Variants in ANO2 observed in about 807,000 individuals in gnomAD.
The protein encoded by ANO2 is anoctamin-2.
In ANO2, 101 loss-of-function variants were observed where a neutral mutation model predicts 124.2. That is an observed-to-expected ratio of 0.81 (90% confidence interval 0.69 to 0.96). ANO2 has a LOEUF of 0.96. ANO2 is among the 40% of genes least tolerant of loss of function. The probability of loss-of-function intolerance (pLI) is 0.00; values close to 1 mark genes in which losing one functional copy is unlikely to be tolerated. For synonymous variants in ANO2, 486 were observed against 482.5 expected (o/e 1.01, Z -0.09); for missense variants, 1,293 against 1,274.5 (o/e 1.01, Z -0.22).
chr12:5,868,168 G>C (rs1955480870), intron 3 of ANO2, among the ~76,000 whole-genome samples: 1 of 151,988 alleles, frequency 6.6e-6, no homozygotes, highest in Non-Finnish European at 1.5e-5. Context: ...GGTATCTAGT[G>C]TACACCATTA....
intron 15 of ANO2, among the ~76,000 whole-genome samples, chr12:5,642,388 T>C (rs1217748640): frequency 6.6e-6 from 1 of 152,220 alleles, no homozygotes; most frequent in Non-Finnish European, 1.5e-5. Context: ...AGTTAAGGAA[T>C]AACTGGCAGA....
At chr12:5,909,531 T>C (rs567776416) in intron 3 of ANO2, among the ~76,000 whole-genome samples, 8 of 152,346 alleles carry the variant, frequency 5.3e-5, no homozygotes, top group Admixed American at 3.3e-4. Flanking sequence ...GAGAAGCCAG[T>C]TGGCAGCAGA....
intron 4 of ANO2, among the ~76,000 whole-genome samples, chr12:5,841,835 T>C (rs1210304365): frequency 6.6e-6 from 1 of 152,206 alleles, no homozygotes; most frequent in Non-Finnish European, 1.5e-5. Flanking sequence ...ACCCAGTCTT[T>C]TTCTTCTGTT....
chr12:5,800,843 G>A (rs1953015488), intron 9 of ANO2, among the ~76,000 whole-genome samples: 1 of 152,130 alleles, frequency 6.6e-6, no homozygotes, highest in Non-Finnish European at 1.5e-5. Flanking sequence ...TGAAGAGGAG[G>A]CAATTTGTAA....
intron 10 of ANO2, among the ~76,000 whole-genome samples, chr12:5,777,724 A>C (rs1952272363): frequency 6.6e-6 from 1 of 152,220 alleles, no homozygotes; most frequent in South Asian, 2.1e-4. Flanking sequence ...TATGGTTTTC[A>C]GAGAGCTTGG....
At chr12:5,668,890 G>T (rs1236711066) in intron 14 of ANO2, among the ~76,000 whole-genome samples, 1 of 152,114 alleles carries the variant, frequency 6.6e-6, no homozygotes, top group Non-Finnish European at 1.5e-5. Flanking sequence ...TCTCTATCCT[G>T]TTCCATTGGT....
intron 14 of ANO2, among the ~76,000 whole-genome samples, chr12:5,705,334 A>G (rs1450423147): frequency 6.6e-6 from 1 of 152,242 alleles, no homozygotes; most frequent in African/African-American, 2.4e-5. Flanking sequence ...GGAGAGAAAG[A>G]AAAGGGGGGA....
intron 14 of ANO2, among the ~76,000 whole-genome samples, chr12:5,655,484 G>GT (rs1947110304): frequency 1.3e-5 from 2 of 152,218 alleles, no homozygotes. Context: ...TTCAGGTACA[G>GT]TGAGTGCTGC....
chr12:5,904,451 G>C lies in ANO2; in HGVS notation c.534+16589C>G, dbSNP rs1183932097. On this transcript the variant is annotated intron_variant, in intron 3 of 24. Transcript: ENST00000682330. This position sits in a 1 kb window ranked among gnomAD's most constrained non-coding sequence, Gnocchi z 4.1. The stretch of plus-strand genomic sequence containing the variant: ...GGAAGGGAAGCCACAGAAGAGGAAG[G>C]CTGAGTGTGCCCAGGGCAGACGCCT... 6.6e-6 allele frequency among the ~76,000 whole-genome samples: 1 copy of C among 152,200 alleles called. No individual in the cohort carries two copies. Among genetic ancestry groups the C allele is most frequent in the Admixed American group, 6.5e-5 (1 of 15,286 alleles).
At chr12:5,755,783 A>G (rs1053059924) in intron 10 of ANO2, among the ~76,000 whole-genome samples, 1 of 152,062 alleles carries the variant, frequency 6.6e-6, no homozygotes, top group Admixed American at 6.6e-5. Flanking sequence ...TATGTGCCAC[A>G]TTTTCTTAAT....
intron 20 of ANO2, among the ~76,000 whole-genome samples, chr12:5,579,752 C>T (rs555169048): frequency 6.6e-6 from 1 of 152,200 alleles, no homozygotes; most frequent in Non-Finnish European, 1.5e-5. Context: ...CTAGCTTCAT[C>T]TCCTAGCATC....
chr12:5,930,406 G>T (rs1000254748), intron 1 of ANO2, among the ~76,000 whole-genome samples: 6 of 152,140 alleles, frequency 3.9e-5, no homozygotes, highest in Non-Finnish European at 8.8e-5. Flanking sequence ...GGTATAGGGG[G>T]AAGGCCAGCA....
chr12:5,605,551 G>C (rs1944176705), intron 19 of ANO2, among the ~76,000 whole-genome samples: 1 of 152,058 alleles, frequency 6.6e-6, no homozygotes, highest in Middle Eastern at 3.2e-3. Flanking sequence ...ACGTGAAAAA[G>C]GTGGCATTTA....
intron 14 of ANO2, among the ~76,000 whole-genome samples, chr12:5,706,486 T>C (rs554957529): frequency 1.8e-4 from 27 of 152,302 alleles, no homozygotes; most frequent in African/African-American, 6.0e-4. Context: ...TATGCATACT[T>C]TGTGATGCTG....
intron 23 of ANO2, among the ~76,000 whole-genome samples, chr12:5,572,423 T>C (rs541521560): frequency 2.0e-5 from 3 of 152,358 alleles, no homozygotes; most frequent in South Asian, 2.1e-4. Flanking sequence ...CTGTTCATTC[T>C]TCAGGTTTCA....
intron 14 of ANO2, among the ~76,000 whole-genome samples, chr12:5,661,259 C>G (rs1424433209): frequency 6.6e-6 from 1 of 152,156 alleles, no homozygotes; most frequent in Non-Finnish European, 1.5e-5. Flanking sequence ...AGGCCTGCAG[C>G]TTAATTTGGG....
intron 14 of ANO2, among the ~76,000 whole-genome samples, chr12:5,654,481 C>G (rs553345937): frequency 2.0e-5 from 3 of 152,112 alleles, no homozygotes. Context: ...GTCTGAGGAG[C>G]GGAGCTGAGG....
intron 3 of ANO2, among the ~76,000 whole-genome samples, chr12:5,895,401 G>A (rs1939711532): frequency 6.6e-6 from 1 of 152,044 alleles, no homozygotes; most frequent in Non-Finnish European, 1.5e-5. Flanking sequence ...CTGAAACGAT[G>A]GGGTTTTCTA....
intron 7 of ANO2, among the ~76,000 whole-genome samples, chr12:5,827,161 AC>A (rs1426046812): frequency 6.6e-6 from 1 of 152,182 alleles, no homozygotes; most frequent in Non-Finnish European, 1.5e-5. Context: ...CAGGATCTGG[AC>A]TGCCTGCCTT....
Sources: allele counts gnomAD v4.1 joint callset (sites outside exome capture counted in the v4.1 genomes callset), GRCh38; gene constraint gnomAD v4.1.1; non-coding constraint Gnocchi (gnomAD v3.1); transcripts MANE v1.5; gene names NCBI Gene and HGNC (gene_info 2026-07-23, HGNC 2026-07-21).